PCNX2: variants seen among roughly 807,000 people sequenced by gnomAD.
PCNX2 encodes pecanex 2.
Under a neutral mutation model 223.8 loss-of-function variants are expected in PCNX2, and 168 were observed. The ratio of observed to expected loss-of-function variants is 0.75; its 90% CI spans 0.66 to 0.85. The LOEUF is 0.85. PCNX2 is among the 40% of genes least tolerant of loss of function. The pLI is 0.00. For missense variants in PCNX2, 2,507 were observed against 2,675.5 expected (o/e 0.94, Z 1.39); for synonymous variants, 1,006 against 1,052.6 (o/e 0.96, Z 0.86).
chr1:233,142,310 C>T (rs1298685136), intron 19 of PCNX2, among the ~76,000 whole-genome samples: 1 of 152,120 alleles, frequency 6.6e-6, no homozygotes, highest in Non-Finnish European at 1.5e-5. Flanking sequence ...TGCATTCCCT[C>T]CCAGCAACTG....
At position 233,252,702 on chromosome 1, in the gene PCNX2, G is replaced by C. The variant is rs1659529455; in HGVS notation, c.1921C>G (p.Gln641Glu). ...HSSKQGKPDL[Q>E]SQDHTSTGPA... Reference sequence around the variant, plus strand: ...CCGGTGCTAGTATGGTCTTGACTTTGCAAATCTGGTTTTCCTTGCTTAGAA... The same window carrying C: ...CCGGTGCTAGTATGGTCTTGACTTTCCAAATCTGGTTTTCCTTGCTTAGAA... The change falls in exon 6 of 34, where the codon CAA becomes GAA. Residue 641 changes from glutamine to glutamate, a missense_variant. This residue lies in a region of PCNX2 where 1,031 missense variants were observed against 1,021.7 expected (regional missense o/e 1.01). Transcript: ENST00000258229. 2.5e-6 allele frequency: 4 copies of C among 1,613,786 alleles called. No individual in the cohort carries two copies. In the African/African-American group the frequency reaches 4.0e-5, roughly 16 times the overall value.
intron 17 of PCNX2, among the ~76,000 whole-genome samples, chr1:233,174,896 A>G (rs905724699): frequency 4.6e-5 from 7 of 152,222 alleles, no homozygotes; most frequent in African/African-American, 1.7e-4. Flanking sequence ...GCCCATTGGT[A>G]TATCTCTGTT....
At chr1:233,080,697 A>G (rs1391328198) in intron 23 of PCNX2, among the ~76,000 whole-genome samples, 1 of 151,676 alleles carries the variant, frequency 6.6e-6, no homozygotes, top group African/African-American at 2.4e-5. Context: ...TAAGAGCTTC[A>G]CTCTTATGAC....
chr1:233,138,444 G>C (rs76717878), intron 20 of PCNX2, among the ~76,000 whole-genome samples: 3,066 of 152,196 alleles, frequency 0.02, 39 homozygotes, highest in East Asian at 0.051. Flanking sequence ...AGTGGCACTG[G>C]TACCTTCTTT....
rs183343650 is a variant in PCNX2, at chr1:233,140,519, C to T, written c.3518-664G>A. Among the ~76,000 whole-genome samples the T allele has an allele frequency of 2.1e-4, 32 of 152,330 alleles. No homozygotes were observed. The East Asian group carries it at 2.7e-3, about 13-fold the overall frequency. On this transcript the variant is annotated intron_variant, in intron 19 of 33. Coordinates refer to ENST00000258229, the MANE Select transcript of PCNX2 (RefSeq NM_014801.4). The stretch of plus-strand genomic sequence containing the variant: ...GTGAATGACCTTGAATTATTAGCTT[C>T]ATCTTTTCGAGCCTTAGTTTTTTGT...
intron 25 of PCNX2, among the ~76,000 whole-genome samples, chr1:233,034,245 C>T (rs1031755458): frequency 6.6e-6 from 1 of 151,876 alleles, no homozygotes; most frequent in African/African-American, 2.4e-5. Context: ...GAAGTTGGGG[C>T]CTTTGGGAGG....
chr1:233,119,250 G>A lies in PCNX2; in HGVS notation c.3837+15763C>T, dbSNP rs1012614482. 5.9e-5 allele frequency among the ~76,000 whole-genome samples: 9 copies of A among 151,584 alleles called. No individual in the cohort carries two copies. The South Asian group carries it at 6.2e-4, about 11-fold the overall frequency. On this transcript the variant is annotated intron_variant, in intron 21 of 33. Transcript: ENST00000258229. ...AAGATCACAGACTTAAGTATAAAAC[G>A]AAAAGTATAAAACTTTTAGGAAAAA...
At position 233,255,418 on chromosome 1, in the gene PCNX2, A is replaced by T. The variant is rs142859709; in HGVS notation, c.1834+2610T>A. ...AAGCTTTCTCATTCAAGTTGCCTTTAAGTCTCTGCTGAACCCAAGCGATGA... is the reference window on the plus strand; with the variant it reads ...AAGCTTTCTCATTCAAGTTGCCTTTTAGTCTCTGCTGAACCCAAGCGATGA... On this transcript the variant is annotated intron_variant, in intron 5 of 33. Transcript: ENST00000258229. Among the ~76,000 whole-genome samples the T allele has an allele frequency of 5.9e-5, 9 of 152,302 alleles. No homozygotes were observed. In the East Asian group the frequency reaches 1.3e-3, roughly 23 times the overall value.
At chr1:233,321,636 G>A in the PCNX2 span, among the ~76,000 whole-genome samples, 2 of 152,106 alleles carry the variant, frequency 1.3e-5, no homozygotes, top group Non-Finnish European at 1.5e-5. Flanking sequence ...ACTTGGGTGT[G>A]CAGAAATGCT....
chr1:233,254,330 T>C (rs929091541), intron 5 of PCNX2, among the ~76,000 whole-genome samples: 3 of 152,224 alleles, frequency 2.0e-5, no homozygotes, highest in Non-Finnish European at 2.9e-5. Context: ...AGTGCTATCA[T>C]AACAAATAGC....
At chr1:233,062,513 T>C (rs1325516563) in intron 23 of PCNX2, among the ~76,000 whole-genome samples, 1 of 152,210 alleles carries the variant, frequency 6.6e-6, no homozygotes, top group Admixed American at 6.5e-5. Flanking sequence ...CATTGTGAAT[T>C]TTAGTCTTTG....
At chr1:233,108,408 G>A (rs1674925447) in intron 21 of PCNX2, among the ~76,000 whole-genome samples, 1 of 152,172 alleles carries the variant, frequency 6.6e-6, no homozygotes, top group Non-Finnish European at 1.5e-5. Context: ...GAAGATTTTG[G>A]CCAGTGGAAT....
At position 233,252,343 on chromosome 1, in the gene PCNX2, C is replaced by A. The variant is rs748174138; in HGVS notation, c.2128+11G>T. 6.3e-7 allele frequency: 1 copy of A among 1,598,576 alleles called. No homozygotes were observed. Among genetic ancestry groups the A allele is most frequent in the Non-Finnish European group, 8.5e-7 (1 of 1,169,666 alleles). On this transcript the variant is annotated intron_variant, in intron 7 of 33. Transcript: ENST00000258229. ...CTGCTTGTTCATTAGTAAAGAGCTCCAAAGACTCACCATGTTCATCAATGA... is the reference window on the plus strand; with the variant it reads ...CTGCTTGTTCATTAGTAAAGAGCTCAAAAGACTCACCATGTTCATCAATGA...
chr1:233,294,202 C>A (rs1291569955), intron 1 of PCNX2, among the ~76,000 whole-genome samples: 1 of 152,162 alleles, frequency 6.6e-6, no homozygotes, highest in Admixed American at 6.5e-5. Flanking sequence ...AATCTCAGGT[C>A]AAGACAGACC....
intron 17 of PCNX2, among the ~76,000 whole-genome samples, chr1:233,169,990 G>C (rs1440476154): frequency 6.6e-6 from 1 of 151,892 alleles, no homozygotes; most frequent in Non-Finnish European, 1.5e-5. Context: ...TTTGTGTCTT[G>C]CTTCCTTTGC....
chr1:233,103,057 A>C (rs142540021), intron 21 of PCNX2, among the ~76,000 whole-genome samples: 1 of 152,086 alleles, frequency 6.6e-6, no homozygotes, highest in Non-Finnish European at 1.5e-5. Context: ...GTATGGTGAG[A>C]GATAGGATGA....
chr1:233,297,750 C>G (rs145994550), upstream of PCNX2, among the ~76,000 whole-genome samples: 10 of 152,240 alleles, frequency 6.6e-5, no homozygotes, highest in African/African-American at 1.7e-4. Context: ...TTCTTCAGAT[C>G]TTATCCTAGG....
intron 21 of PCNX2, among the ~76,000 whole-genome samples, chr1:233,124,363 A>C (rs565060660): frequency 6.6e-6 from 1 of 152,260 alleles, no homozygotes; most frequent in African/African-American, 2.4e-5. Flanking sequence ...CAGAATTACG[A>C]AAAAGATCAA....
At chr1:233,127,282 C>T (rs1558258405) in intron 21 of PCNX2, among the ~76,000 whole-genome samples, 1 of 152,144 alleles carries the variant, frequency 6.6e-6, no homozygotes, top group Non-Finnish European at 1.5e-5. Flanking sequence ...CTTTCCCAAC[C>T]ATCCACTCCC....
Sources: allele counts gnomAD v4.1 joint callset (sites outside exome capture counted in the v4.1 genomes callset), GRCh38; gene constraint gnomAD v4.1.1; regional missense constraint gnomAD v4.1.1; transcripts MANE v1.5; gene names NCBI Gene and HGNC (gene_info 2026-07-23, HGNC 2026-07-21).